The following LRBA variants were observed in gnomAD, a reference collection of about 807,000 sequenced individuals.
The protein encoded by LRBA is lipopolysaccharide-responsive and beige-like anchor protein.
Under a neutral mutation model 330.0 loss-of-function variants are expected in LRBA, and 176 were observed. The ratio of observed to expected loss-of-function variants is 0.53; its 90% CI spans 0.47 to 0.60. The LOEUF (loss-of-function observed/expected upper bound fraction) is 0.60, where lower values mean the gene tolerates loss of function less well. Ranked by LOEUF, LRBA falls within the 20% of genes least tolerant of loss-of-function variation. The pLI is 0.00. For synonymous variants in LRBA, 1,230 were observed against 1,193.0 expected, an observed-to-expected ratio of 1.03 and a Z score of -0.64; for missense variants, 3,259 against 3,444.8, an observed-to-expected ratio of 0.95 and a Z score of 1.35.
intron 40 of LRBA, among the ~76,000 whole-genome samples, chr4:150,551,969 G>T (rs1411274851): frequency 6.6e-6 from 1 of 152,068 alleles, no homozygotes; most frequent in East Asian, 1.9e-4. Context: ...GGGGGTAGGA[G>T]GTATGATTTT....
intron 29 of LRBA, among the ~76,000 whole-genome samples, chr4:150,828,922 GGTGTGTGTGT>G (rs753950457): frequency 1.6e-4 from 17 of 106,238 alleles, no homozygotes; most frequent in African/African-American, 7.6e-4. Flanking sequence ...CTTTTTTGGG[GGTGTGTGTGT>G]GTGTGTGTGT....
intron 40 of LRBA, among the ~76,000 whole-genome samples, chr4:150,505,424 A>T (rs1212825108): frequency 6.6e-6 from 1 of 152,170 alleles, no homozygotes; most frequent in African/African-American, 2.4e-5. Context: ...GGATTAAGAA[A>T]CTCAATCAAA....
At chr4:151,001,147 A>T (rs1057398668) in intron 2 of LRBA, among the ~76,000 whole-genome samples, 2 of 152,344 alleles carry the variant, frequency 1.3e-5, no homozygotes, top group South Asian at 4.1e-4. Flanking sequence ...AACCCAGCCC[A>T]CAACAGACTG....
chr4:150,371,199 T>C, intron 47 of LRBA, among the ~76,000 whole-genome samples: 1 of 137,006 alleles, frequency 7.3e-6, no homozygotes, highest in African/African-American at 2.8e-5. Flanking sequence ...TTTTTTTTTT[T>C]TTTTTTTTTT....
In LRBA at chr4:150,556,315, G is replaced by C. The variant is rs546084969; in HGVS notation, c.6330+31733C>G. Among the ~76,000 whole-genome samples, 20 of 152,088 alleles carry C rather than the reference G, an allele frequency of 1.3e-4. No individual in the cohort carries two copies. The South Asian group carries it at 3.3e-3, about 25-fold the overall frequency. Reference sequence around the variant, plus strand: ...ATGGTAATCAAAAACATTTTTGTTTGAAAACAAATCATATTTTAAACAGCA... The same window carrying C: ...ATGGTAATCAAAAACATTTTTGTTTCAAAACAAATCATATTTTAAACAGCA... On this transcript the variant is annotated intron_variant, in intron 40 of 56. Coordinates refer to ENST00000651943, the MANE Select transcript of LRBA (RefSeq NM_001364905.1).
chr4:150,582,918 C>T (rs1771578639), intron 40 of LRBA: 4 of 1,292,040 alleles, frequency 3.1e-6, no homozygotes, highest in Non-Finnish European at 4.3e-6. Context: ...TAGGGCTTAA[C>T]GGGGAGCGCA....
intron 46 of LRBA, among the ~76,000 whole-genome samples, chr4:150,432,691 C>G (rs1007377107): frequency 6.6e-6 from 1 of 151,350 alleles, no homozygotes; most frequent in Admixed American, 6.6e-5. Flanking sequence ...GTGATCCGCC[C>G]GCCTCGGCTT....
intron 40 of LRBA, among the ~76,000 whole-genome samples, chr4:150,527,615 T>C (rs1334670138): frequency 3.3e-5 from 5 of 152,160 alleles, no homozygotes; most frequent in Non-Finnish European, 7.4e-5. Flanking sequence ...ATCTGAGAGG[T>C]TGGAGCAGAA....
chr4:150,664,031 T>C (rs544506682), intron 37 of LRBA, among the ~76,000 whole-genome samples: 49 of 152,224 alleles, frequency 3.2e-4, no homozygotes, highest in African/African-American at 1.2e-3. Flanking sequence ...TTGCTTGGTG[T>C]GGTTAGAGAT....
At chr4:150,534,994 T>C (rs954441537) in intron 40 of LRBA, among the ~76,000 whole-genome samples, 1 of 152,232 alleles carries the variant, frequency 6.6e-6, no homozygotes, top group Non-Finnish European at 1.5e-5. Context: ...TTTCACATAA[T>C]TAATGTTAAA....
chr4:150,350,211 TAG>T (rs750974763), intron 47 of LRBA, 52 bp from the exon 48 acceptor site: 4 of 1,323,070 alleles, frequency 3.0e-6, no homozygotes, highest in Non-Finnish European at 4.1e-6. Flanking sequence ...TTTAAAAATA[TAG>T]AGAGACATTT....
chr4:150,671,222 G>C (rs1226375854), intron 37 of LRBA, among the ~76,000 whole-genome samples: 3 of 152,052 alleles, frequency 2.0e-5, no homozygotes, highest in Non-Finnish European at 4.4e-5. Flanking sequence ...ATTAGTCTAT[G>C]ATTCAACCCT....
chr4:150,881,554 A>C (rs1467142115), intron 17 of LRBA, among the ~76,000 whole-genome samples: 1 of 152,180 alleles, frequency 6.6e-6, no homozygotes, highest in Non-Finnish European at 1.5e-5. Flanking sequence ...GAAAAACTTA[A>C]CTATTGAGTG....
At chr4:150,546,549 A>C (rs1305159116) in intron 40 of LRBA, among the ~76,000 whole-genome samples, 1 of 152,204 alleles carries the variant, frequency 6.6e-6, no homozygotes, top group Non-Finnish European at 1.5e-5. Context: ...CTTACCCTTT[A>C]GGCCTCACTC....
At chr4:150,581,390 G>A (rs996899537) in intron 40 of LRBA, 4 of 434,314 alleles carry the variant, frequency 9.2e-6, no homozygotes, top group Non-Finnish European at 1.8e-5. Flanking sequence ...AATGGGAGGG[G>A]AGGGGAAGAG....
At chr4:150,945,475 C>A (rs72719701) in intron 2 of LRBA, among the ~76,000 whole-genome samples, 1 of 152,132 alleles carries the variant, frequency 6.6e-6, no homozygotes, top group Non-Finnish European at 1.5e-5. Context: ...ACAGTATGAC[C>A]ACATTTCCTT....
chr4:151,002,169 T>C (rs1319398689), intron 2 of LRBA, among the ~76,000 whole-genome samples: 2 of 103,550 alleles, frequency 1.9e-5, no homozygotes, highest in African/African-American at 4.0e-5. Context: ...AAGATATCAA[T>C]GTAACGACAG....
intron 47 of LRBA, among the ~76,000 whole-genome samples, chr4:150,378,018 C>G (rs185016558): frequency 6.6e-6 from 1 of 151,770 alleles, no homozygotes; most frequent in South Asian, 2.1e-4. Flanking sequence ...CATACCCATA[C>G]CAGGTAAACC....
intron 37 of LRBA, among the ~76,000 whole-genome samples, chr4:150,642,549 C>A (rs889888018): frequency 2.0e-5 from 3 of 151,668 alleles, no homozygotes; most frequent in Non-Finnish European, 4.4e-5. Flanking sequence ...TTTTCCAGAA[C>A]AAATCTTAAA....
Sources: allele counts gnomAD v4.1 joint callset (sites outside exome capture counted in the v4.1 genomes callset), GRCh38; gene constraint gnomAD v4.1.1; transcripts MANE v1.5; gene names NCBI Gene and HGNC (gene_info 2026-07-23, HGNC 2026-07-21).